The following SMARCA4 variants were observed in gnomAD, a reference collection of about 807,000 sequenced individuals.
SMARCA4 encodes SWI/SNF-related matrix-associated actin-dependent regulator of chromatin subfamily A member 4.
Under a neutral mutation model 193.9 loss-of-function variants are expected in SMARCA4, and 31 were observed. That is an observed-to-expected ratio of 0.16 (90% confidence interval 0.12 to 0.22). SMARCA4 has a LOEUF of 0.22. Ranked by LOEUF, SMARCA4 falls within the 10% of genes least tolerant of loss-of-function variation. The pLI, the probability that SMARCA4 is intolerant of heterozygous loss-of-function variation, is 1.00. For synonymous variants in SMARCA4, 942 were observed against 933.1 expected, an observed-to-expected ratio of 1.01 and a Z score of -0.17; for missense variants, 1,148 against 2,296.0, an observed-to-expected ratio of 0.50 and a Z score of 10.22.
chr19:11,005,254 T>C (rs531926782), intron 13 of SMARCA4, among the ~76,000 whole-genome samples: 28 of 152,350 alleles, frequency 1.8e-4, no homozygotes, highest in Non-Finnish European at 3.1e-4. Flanking sequence ...AGTAATTTCC[T>C]GGGGCTCAGT....
Position 11,041,109 on chromosome 19 carries a change from C to T in SMARCA4, c.4171-198C>T. ...GCTTGGGTGGGGTGCCTGCTGGGGG[C>T]AGTGCTGGTCTTTCACTGCAGCCCA... is the stretch of plus-strand genomic sequence containing the variant. On this transcript the variant is annotated intron_variant, in intron 29 of 34. Transcript: ENST00000344626. This position sits in a 1 kb window ranked among gnomAD's most constrained non-coding sequence, Gnocchi z 5.6. 3.3e-6 allele frequency: 2 copies of T among 599,064 alleles called. No individual in the cohort carries two copies. The highest frequency in any genetic ancestry group is 5.9e-6 in the Non-Finnish European group (2 of 340,776). The allele number at this position is 599,064 out of a possible 1,614,324, so 37.1% of individuals were successfully genotyped here.
rs2146281550 is a variant in SMARCA4 at position 11,013,104 on chromosome 19, G to A, written c.2430G>A (p.Val810=). ...KRINGPFLII[V]PLSTLSNWAY... ...TCAATGGGCCCTTCCTCATCATCGT[G>A]CCTCTCTCGTGAGTACCCGCTGCCA... Residue 810 remains valine (V), a synonymous_variant, in exon 16 of 35, where the codon GTG becomes GTA. Coordinates refer to ENST00000344626, the MANE Select transcript of SMARCA4 (RefSeq NM_003072.5). 6.2e-7 allele frequency: 1 copy of A among 1,614,034 alleles called. No homozygotes were observed. Among genetic ancestry groups the A allele is most frequent in the Non-Finnish European group, 8.5e-7 (1 of 1,179,996 alleles).
intron 23 of SMARCA4, 62 bp downstream of exon 23, chr19:11,026,408 T>G (rs1160058907): frequency 8.4e-6 from 11 of 1,314,872 alleles, no homozygotes; most frequent in Admixed American, 1.7e-5. Context: ...TTCTGTCGTT[T>G]TGTTGGCTTT....
At chr19:10,972,543 T>C in intron 1 of SMARCA4, among the ~76,000 whole-genome samples, 1 of 152,210 alleles carries the variant, frequency 6.6e-6, no homozygotes, top group Admixed American at 6.5e-5. Context: ...TGGAACCAGC[T>C]TGGTGCATTC....
At chr19:10,962,219 A>G (rs966274538) in intron 1 of SMARCA4, among the ~76,000 whole-genome samples, 11 of 152,024 alleles carry the variant, frequency 7.2e-5, no homozygotes, top group African/African-American at 1.9e-4. Context: ...TAATCTCCCA[A>G]ATGGAATTGG....
At position 11,059,881 on chromosome 19, in the gene SMARCA4, C is replaced by T. The variant is rs754496173; in HGVS notation, c.4764C>T (p.Ser1588=). 8.1e-6 allele frequency: 13 copies of T among 1,613,760 alleles called. No homozygotes were observed. Among genetic ancestry groups the T allele is most frequent in the East Asian group, 4.5e-5 (2 of 44,898 alleles). Residue 1588 remains serine, a synonymous_variant, in exon 33 of 35, where the codon TCC becomes TCT. Transcript: ENST00000344626. ...EEEGEEEGSE[S]ESRSVKVKIK... ...AGGGCGAGGAGGAAGGCTCCGAATC[C>T]GAATGTGAGTCCCGGGGGGGTTCAG...
rs2145724325 is a variant in SMARCA4, at chr19:10,984,286, C to A, written c.135C>A (p.Pro45=). ...SPGSAHSMMG[P]SPGPPSAGHP... Reference sequence around the variant, plus strand: ...GCTCCGCCCACAGCATGATGGGGCCCAGCCCAGGGCCGCCCTCAGCAGGAC... The same window carrying A: ...GCTCCGCCCACAGCATGATGGGGCCAAGCCCAGGGCCGCCCTCAGCAGGAC... The change falls in exon 2 of 35, where the codon CCC becomes CCA. Residue 45 remains proline, a synonymous_variant. Coordinates refer to ENST00000344626, the MANE Select transcript of SMARCA4 (RefSeq NM_003072.5). The surrounding 1 kb of genome is among the most constrained non-coding windows in gnomAD (Gnocchi z 4.3). 3 of 1,609,652 alleles carry A rather than the reference C, an allele frequency of 1.9e-6. No individual in the cohort carries two copies. The South Asian group carries it at 3.3e-5, about 18-fold the overall frequency.
chr19:11,026,708 A>G (rs34550697), intron 23 of SMARCA4, among the ~76,000 whole-genome samples: 264 of 152,260 alleles, frequency 1.7e-3, no homozygotes, highest in Non-Finnish European at 2.5e-3. Context: ...CATGTTGACC[A>G]GGCTGATCTT....
In SMARCA4 at chr19:11,058,227, G is replaced by A; in HGVS notation, c.4425-28G>A. The stretch of plus-strand genomic sequence containing the variant: ...GGGCTCCCGGGTGGGCGGACTCGGG[G>A]GTGATAGCCGCCGGTTCTGCCTTGC... On this transcript the variant is annotated intron_variant, in intron 30 of 34. Transcript: ENST00000344626. The surrounding 1 kb of genome is among the most constrained non-coding windows in gnomAD (Gnocchi z 5.8). 1 of 1,540,904 alleles carries A rather than the reference G, an allele frequency of 6.5e-7. No individual in the cohort carries two copies. Among genetic ancestry groups the A allele is most frequent in the Non-Finnish European group, 8.9e-7 (1 of 1,118,550 alleles).
chr19:11,048,477 G>A (rs1324872498), intron 30 of SMARCA4, among the ~76,000 whole-genome samples: 2 of 152,240 alleles, frequency 1.3e-5, no homozygotes, highest in African/African-American at 4.8e-5. Context: ...TGTGAAGCCT[G>A]AAAAGAGACT....
intron 11 of SMARCA4, among the ~76,000 whole-genome samples, chr19:11,002,795 G>C (rs937772313): frequency 1.8e-5 from 2 of 112,648 alleles, no homozygotes; most frequent in Non-Finnish European, 3.5e-5. Flanking sequence ...GCGAGACTCC[G>C]TCTCAAAAAA....
rs2086443751 is a variant in SMARCA4 at position 10,990,296 on chromosome 19, G to A, written c.1245+853G>A. ...AGCCACTGAGTAGCTGGGATTACAG[G>A]TGTGCACCACCATGCCGGGCTGATT... On this transcript the variant is annotated intron_variant, in intron 7 of 34. Coordinates refer to ENST00000344626, the MANE Select transcript of SMARCA4 (RefSeq NM_003072.5). Among the ~76,000 whole-genome samples the A allele has an allele frequency of 2.0e-5, 3 of 152,090 alleles. No homozygotes were observed. In the South Asian group the frequency reaches 6.2e-4, roughly 31 times the overall value.
chr19:11,058,204 G>A lies in SMARCA4; in HGVS notation c.4425-51G>A, dbSNP rs2147082551. On this transcript the variant is annotated intron_variant, in intron 30 of 34. Transcript: ENST00000344626. This position sits in a 1 kb window ranked among gnomAD's most constrained non-coding sequence, Gnocchi z 5.8. The stretch of plus-strand genomic sequence containing the variant: ...GGGAACCTGCTGAGGTGGGGTGGGG[G>A]CTCCCGGGTGGGCGGACTCGGGGGT... The A allele has an allele frequency of 8.2e-7, 1 of 1,213,230 alleles. No individual in the cohort carries two copies. Among genetic ancestry groups the A allele is most frequent in the Non-Finnish European group, 1.2e-6 (1 of 826,378 alleles). The allele number at this position is 1,213,230 out of a possible 1,614,324, so 75.2% of individuals were successfully genotyped here.
chr19:11,030,653 G>A lies in SMARCA4; in HGVS notation c.3383-77G>A, dbSNP rs2146594018. ...GGTGCTGATCCTGCTCCTGCTCTCA[G>A]AAGCAGGTGTTCCTTGGTGTCCCCA... On this transcript the variant is annotated intron_variant, in intron 24 of 34. Transcript: ENST00000344626. The surrounding 1 kb of genome is among the most constrained non-coding windows in gnomAD (Gnocchi z 5.5). The A allele has an allele frequency of 7.4e-7, 1 of 1,350,490 alleles. No individual in the cohort carries two copies. The highest frequency in any genetic ancestry group is 1.0e-6 in the Non-Finnish European group (1 of 967,240). The allele number at this position is 1,350,490 out of a possible 1,614,324, so 83.7% of individuals were successfully genotyped here. A position where few individuals can be genotyped will look rare whatever the true frequency, so the allele number is the denominator to read the frequency against.
At chr19:11,024,107 C>A (rs1600298168) in intron 20 of SMARCA4, among the ~76,000 whole-genome samples, 1 of 152,166 alleles carries the variant, frequency 6.6e-6, no homozygotes, top group Admixed American at 6.5e-5. Flanking sequence ...GGCTGGGGGG[C>A]CCTTTCTGGC....
intron 11 of SMARCA4, among the ~76,000 whole-genome samples, chr19:11,000,262 T>C (rs2087503246): frequency 6.7e-6 from 1 of 148,772 alleles, no homozygotes; most frequent in South Asian, 2.1e-4. Context: ...TTGGACCAGG[T>C]GTGGTGGCTC....
At position 11,041,442 on chromosome 19, in the gene SMARCA4, G is replaced by A. The variant is rs779143381; in HGVS notation, c.4306G>A (p.Glu1436Lys). ...TSTRSRDKDDESKKQKKRGRP... is the reference protein window; with the variant it reads ...TSTRSRDKDDKSKKQKKRGRP... ...CACCCGCAGCCGCGACAAGGACGAC[G>A]AGAGCAAGAAGCAGAAGAAGCGCGG... The change falls in exon 30 of 35, where the codon GAG (glutamate) becomes AAG (lysine). Residue 1436 changes from glutamate to lysine, a missense_variant. Transcript: ENST00000344626. The surrounding 1 kb of genome is among the most constrained non-coding windows in gnomAD (Gnocchi z 5.6). 3 of 1,612,506 alleles carry A rather than the reference G, an allele frequency of 1.9e-6. No homozygotes were observed. Among genetic ancestry groups the A allele is most frequent in the East Asian group, 2.2e-5 (1 of 44,898 alleles).
intron 23 of SMARCA4, 84 bp downstream of exon 23, chr19:11,026,430 T>C: frequency 1.0e-6 from 1 of 987,358 alleles, no homozygotes; most frequent in South Asian, 1.3e-5. Context: ...TTGCTGCTGT[T>C]ATGTTGTCCA....
chr19:11,055,733 A>G (rs1294170396), intron 30 of SMARCA4, among the ~76,000 whole-genome samples: 2 of 151,738 alleles, frequency 1.3e-5, no homozygotes, highest in Non-Finnish European at 2.9e-5. Context: ...CACTAAGGGC[A>G]TTGAATGGAT....
Sources: gnomAD v4.1 joint callset for allele counts (sites outside exome capture counted in the v4.1 genomes callset) on GRCh38, gnomAD v4.1.1 for gene constraint, Gnocchi (gnomAD v3.1) non-coding constraint, MANE v1.5 for transcripts, NCBI Gene and HGNC (gene_info 2026-07-23, HGNC 2026-07-21) for gene names.